Variants in CPED1 observed in about 807,000 individuals in gnomAD.
CPED1 encodes the protein cadherin-like and PC-esterase domain-containing protein 1.
In CPED1, 114 loss-of-function variants were observed where a neutral mutation model predicts 128.2. The observed-to-expected ratio is 0.89, with a 90% CI of 0.76 to 1.04. The LOEUF (loss-of-function observed/expected upper bound fraction) is 1.04, where lower values mean the gene tolerates loss of function less well. Among genes scored for constraint, CPED1 ranks in the 50% least tolerant of loss-of-function variants. The pLI is 0.00. For synonymous variants in CPED1, 462 were observed against 426.7 expected, an observed-to-expected ratio of 1.08 and a Z score of -1.02; for missense variants, 1,211 against 1,207.1, an observed-to-expected ratio of 1.00 and a Z score of -0.05.
intron 3 of CPED1, among the ~76,000 whole-genome samples, chr7:121,020,507 T>C (rs1264405893): frequency 6.6e-6 from 1 of 152,012 alleles, no homozygotes; most frequent in African/African-American, 2.4e-5. Flanking sequence ...TCCTGGCTCC[T>C]GTATCCAGAA....
At chr7:121,233,946 T>G (rs1307888098) in intron 16 of CPED1, among the ~76,000 whole-genome samples, 1 of 152,040 alleles carries the variant, frequency 6.6e-6, no homozygotes, top group Non-Finnish European at 1.5e-5. Flanking sequence ...GGCTGCTCAT[T>G]CTCAGGCTTA....
intron 6 of CPED1, among the ~76,000 whole-genome samples, chr7:121,099,590 A>G (rs1388758500): frequency 6.6e-6 from 1 of 151,986 alleles, no homozygotes; most frequent in Non-Finnish European, 1.5e-5. Flanking sequence ...CTGGTCTCCA[A>G]CTCCTGAGCT....
chr7:121,090,761 C>T (rs1033729495), intron 5 of CPED1, among the ~76,000 whole-genome samples: 4 of 152,024 alleles, frequency 2.6e-5, no homozygotes, highest in Admixed American at 2.6e-4. Flanking sequence ...CCAGCCTGGC[C>T]AACATGGTGA....
In CPED1 at chr7:121,124,306, C is replaced by T. The variant is rs200112614; in HGVS notation, c.919-25C>T. On this transcript the variant is annotated intron_variant, in intron 7 of 22. Coordinates refer to ENST00000310396, the MANE Select transcript of CPED1 (RefSeq NM_024913.5). ...ACAAACTGAGGCTATTGTTTTAACACGTGAATCCTTTACTTTGTTCACAGC... is the reference window on the plus strand; with the variant it reads ...ACAAACTGAGGCTATTGTTTTAACATGTGAATCCTTTACTTTGTTCACAGC... 28 of 1,583,508 alleles carry T rather than the reference C, an allele frequency of 1.8e-5. No homozygotes were observed. In the East Asian group the frequency reaches 3.0e-4, roughly 17 times the overall value.
At chr7:121,088,558 C>G (rs1350904794) in intron 5 of CPED1, among the ~76,000 whole-genome samples, 1 of 151,100 alleles carries the variant, frequency 6.6e-6, no homozygotes, top group Non-Finnish European at 1.5e-5. Context: ...ACTCGGGAGG[C>G]TGAGGCAGGA....
intron 5 of CPED1, among the ~76,000 whole-genome samples, chr7:121,077,978 T>A (rs1265655400): frequency 6.6e-6 from 1 of 152,236 alleles, no homozygotes; most frequent in East Asian, 1.9e-4. Flanking sequence ...TATACTCTGT[T>A]GTTCAGTACT....
chr7:121,132,795 C>T (rs1249672119), intron 12 of CPED1, among the ~76,000 whole-genome samples: 1 of 152,014 alleles, frequency 6.6e-6, no homozygotes, highest in Non-Finnish European at 1.5e-5. Flanking sequence ...AGTAACCTTT[C>T]CAAACTTCAG....
chr7:121,226,438 C>T (rs901376861), intron 16 of CPED1, among the ~76,000 whole-genome samples: 7 of 152,034 alleles, frequency 4.6e-5, no homozygotes, highest in Non-Finnish European at 1.0e-4. Flanking sequence ...CTAAGAATTA[C>T]AAAATATTTG....
At chr7:121,206,458 C>G (rs1163364670) in intron 16 of CPED1, among the ~76,000 whole-genome samples, 1 of 151,782 alleles carries the variant, frequency 6.6e-6, no homozygotes, top group Non-Finnish European at 1.5e-5. Flanking sequence ...AGATATAAAA[C>G]AGCCATGATG....
intron 22 of CPED1, among the ~76,000 whole-genome samples, chr7:121,281,540 G>A (rs1213796977): frequency 6.6e-6 from 1 of 152,058 alleles, no homozygotes; most frequent in Non-Finnish European, 1.5e-5. Flanking sequence ...TAAACTGGCA[G>A]ATCCCTTACC....
At chr7:121,256,888 T>A (rs1584636793) in intron 18 of CPED1, among the ~76,000 whole-genome samples, 1 of 151,798 alleles carries the variant, frequency 6.6e-6, no homozygotes, top group Non-Finnish European at 1.5e-5. Flanking sequence ...TACTACACAG[T>A]CATAAAAAGA....
At chr7:120,996,719 C>G (rs1411729153) in intron 2 of CPED1, among the ~76,000 whole-genome samples, 2 of 152,192 alleles carry the variant, frequency 1.3e-5, no homozygotes, top group African/African-American at 4.8e-5. Flanking sequence ...CAAATTAATT[C>G]AGATAAGAGT....
Position 121,140,807 on chromosome 7 carries a change from T to A in CPED1, c.1700-20T>A, listed in dbSNP as rs763141715. The A allele has an allele frequency of 1.3e-6, 2 of 1,575,496 alleles. No homozygotes were observed. Among genetic ancestry groups the A allele is most frequent in the Admixed American group, 1.8e-5 (1 of 55,488 alleles). ...CCCACTTCACAGTTGTCTTTGTCAT[T>A]GTTTTTGTTTTTTTAACAGATGAAA... On this transcript the variant is annotated intron_variant, in intron 14 of 22. Transcript: ENST00000310396.
rs1283524958 is a variant in CPED1, at chr7:121,244,282, T to C, written c.2254T>C (p.Cys752Arg). The C allele has an allele frequency of 6.2e-7, 1 of 1,614,138 alleles. No individual in the cohort carries two copies. The highest frequency in any genetic ancestry group is 8.5e-7 in the Non-Finnish European group (1 of 1,179,996). The change falls in exon 18 of 23, where the codon TGC becomes CGC. Residue 752 changes from cysteine to arginine, a missense_variant. Transcript: ENST00000310396. ...AGAAATAACCTGGCAGCCCCACAAC[T>C]GCCAATATGGTGTCCTAACTAAGCC... ...WREITWQPHNCQYGVLTKPQL... is the reference protein window; with the variant it reads ...WREITWQPHNRQYGVLTKPQL...
chr7:121,279,549 G>A (rs1792407373), intron 22 of CPED1, among the ~76,000 whole-genome samples: 1 of 151,268 alleles, frequency 6.6e-6, no homozygotes. Flanking sequence ...GGCAAAATAA[G>A]GTACAACTGA....
intron 17 of CPED1, among the ~76,000 whole-genome samples, chr7:121,242,166 G>A (rs1327594670): frequency 6.6e-6 from 1 of 152,102 alleles, no homozygotes; most frequent in Non-Finnish European, 1.5e-5. Context: ...TGCATTACTT[G>A]TTTTTACGCT....
chr7:121,083,566 AAT>A (rs1366860258), intron 5 of CPED1: 1 of 152,196 alleles, frequency 6.6e-6, no homozygotes, highest in Non-Finnish European at 1.5e-5. Context: ...GGTTGTTGAA[AAT>A]AGTTTTCAGA....
chr7:121,214,845 CTG>C (rs1563067899), intron 16 of CPED1, among the ~76,000 whole-genome samples: 13 of 152,014 alleles, frequency 8.6e-5, no homozygotes. Context: ...TTGAGCTTAA[CTG>C]TGGATGTACA....
intron 16 of CPED1, among the ~76,000 whole-genome samples, chr7:121,152,455 A>G (rs1584551408): frequency 2.0e-5 from 3 of 152,210 alleles, no homozygotes; most frequent in African/African-American, 7.2e-5. Context: ...ACTTTGATCA[A>G]AATACTATTT....
Sources: gnomAD v4.1 joint callset for allele counts (sites outside exome capture counted in the v4.1 genomes callset) on GRCh38, gnomAD v4.1.1 for gene constraint, MANE v1.5 for transcripts, NCBI Gene and HGNC (gene_info 2026-07-23, HGNC 2026-07-21) for gene names.